Variants in PPM1E observed in about 807,000 individuals in gnomAD.
The protein encoded by PPM1E is protein phosphatase 1E.
PPM1E carries 20 observed loss-of-function variants against 65.9 expected under a neutral mutation model. That is an observed-to-expected ratio of 0.30 (90% CI 0.21 to 0.44). The LOEUF (loss-of-function observed/expected upper bound fraction) is 0.44. Among genes scored for constraint, PPM1E ranks in the 20% least tolerant of loss-of-function variants. PPM1E has a pLI of 1.00. For synonymous variants in PPM1E, 352 were observed against 374.9 expected (o/e 0.94, Z 0.70); for missense variants, 713 against 953.1 (o/e 0.75, Z 3.32).
chr17:58,977,716 G>A (rs946460157), intron 6 of PPM1E, among the ~76,000 whole-genome samples: 4 of 152,132 alleles, frequency 2.6e-5, no homozygotes, highest in African/African-American at 9.7e-5. Context: ...TAGCCTATTT[G>A]AGGATTAAAC....
intron 1 of PPM1E, among the ~76,000 whole-genome samples, chr17:58,759,676 C>T (rs1426221714): frequency 2.6e-5 from 4 of 152,170 alleles, no homozygotes; most frequent in African/African-American, 7.2e-5. Context: ...TTCATTTAGT[C>T]TGGGTTGGAC....
chr17:58,936,361 A>C (rs1245929626), intron 1 of PPM1E, among the ~76,000 whole-genome samples: 1 of 152,294 alleles, frequency 6.6e-6, no homozygotes, highest in Middle Eastern at 3.4e-3. Flanking sequence ...AACTGCTGTC[A>C]TCCTAGCAAG....
intron 1 of PPM1E, among the ~76,000 whole-genome samples, chr17:58,951,687 A>G (rs200999020): frequency 2.2e-4 from 34 of 151,780 alleles, no homozygotes; most frequent in Middle Eastern, 3.4e-3. Context: ...AAAAAAAAAA[A>G]AAAGAAAGAA....
chr17:58,787,409 C>T (rs185849345), intron 1 of PPM1E, among the ~76,000 whole-genome samples: 5 of 151,540 alleles, frequency 3.3e-5, no homozygotes, highest in Non-Finnish European at 1.5e-5. Flanking sequence ...TTTTTTTAAC[C>T]CACAGCTAAT....
intron 2 of PPM1E, among the ~76,000 whole-genome samples, chr17:58,960,241 C>G (rs2143657505): frequency 6.6e-6 from 1 of 152,290 alleles, no homozygotes; most frequent in African/African-American, 2.4e-5. Flanking sequence ...GTCTTCATCT[C>G]TCCAAACTCA....
At chr17:58,889,033 T>A (rs1293007016) in intron 1 of PPM1E, among the ~76,000 whole-genome samples, 1 of 152,224 alleles carries the variant, frequency 6.6e-6, no homozygotes, top group Non-Finnish European at 1.5e-5. Flanking sequence ...AAAATTTGAA[T>A]TACATTCTTC....
At chr17:58,799,048 A>G (rs924798207) in intron 1 of PPM1E, among the ~76,000 whole-genome samples, 1 of 152,088 alleles carries the variant, frequency 6.6e-6, no homozygotes, top group Non-Finnish European at 1.5e-5. Context: ...TTGCAAATTA[A>G]TTTTTGTATA....
rs1038391366 is a variant in PPM1E at position 58,762,115 on chromosome 17, T to A, written c.464+5654T>A. ...TAGGCCATTACAAACTATTACAGTT[T>A]ATCTGTGCCTGAGTAAATAGATTTA... On this transcript the variant is annotated intron_variant, in intron 1 of 6. Transcript: ENST00000308249. 5.9e-5 allele frequency among the ~76,000 whole-genome samples: 9 copies of A among 152,226 alleles called. 1 individual carries two copies. The highest frequency in any genetic ancestry group is 5.2e-4 in the Admixed American group (8 of 15,284).
At chr17:58,880,102 T>G (rs2051177730) in intron 1 of PPM1E, among the ~76,000 whole-genome samples, 1 of 152,138 alleles carries the variant, frequency 6.6e-6, no homozygotes, top group Non-Finnish European at 1.5e-5. Context: ...GCAGCTAAAT[T>G]GTGTGGGGAG....
chr17:58,845,755 A>C (rs903105752), intron 1 of PPM1E, among the ~76,000 whole-genome samples: 1 of 152,136 alleles, frequency 6.6e-6, no homozygotes, highest in Non-Finnish European at 1.5e-5. Context: ...ATCTTGGCTC[A>C]CTGCAACCTC....
chr17:58,879,090 G>A (rs915111439), intron 1 of PPM1E, among the ~76,000 whole-genome samples: 62 of 151,846 alleles, frequency 4.1e-4, no homozygotes, highest in African/African-American at 1.4e-3. Context: ...CAGTTAGGAG[G>A]CATTTTAGTC....
intron 2 of PPM1E, among the ~76,000 whole-genome samples, chr17:58,956,384 C>G (rs558749224): frequency 3.3e-5 from 5 of 150,716 alleles, no homozygotes; most frequent in Non-Finnish European, 7.4e-5. Context: ...TACAGTGAGC[C>G]GAGATCACGC....
chr17:58,969,431 A>G (rs1377931635), intron 3 of PPM1E, 108 bp from the exon 4 acceptor site: 1 of 1,043,514 alleles, frequency 9.6e-7, no homozygotes, highest in Non-Finnish European at 1.5e-6. Flanking sequence ...ATTCTGAATG[A>G]CAAATGCAGT....
At chr17:58,830,756 G>A (rs2050596708) in intron 1 of PPM1E, among the ~76,000 whole-genome samples, 1 of 151,584 alleles carries the variant, frequency 6.6e-6, no homozygotes, top group South Asian at 2.1e-4. Context: ...CATGATCTTG[G>A]CTCACTGCAA....
chr17:58,812,219 G>A (rs1056737796), intron 1 of PPM1E, among the ~76,000 whole-genome samples: 1 of 145,240 alleles, frequency 6.9e-6, no homozygotes, highest in African/African-American at 2.6e-5. Flanking sequence ...CAGGAGAAAG[G>A]CATGAACCTG....
At chr17:58,885,680 T>G (rs948902317) in intron 1 of PPM1E, among the ~76,000 whole-genome samples, 19 of 152,038 alleles carry the variant, frequency 1.2e-4, no homozygotes, top group African/African-American at 4.1e-4. Context: ...AGTGGGAGAG[T>G]GGGTAGGGGA....
chr17:58,758,985 G>A (rs1023741234), intron 1 of PPM1E, among the ~76,000 whole-genome samples: 1 of 152,056 alleles, frequency 6.6e-6, no homozygotes, highest in African/African-American at 2.4e-5. Context: ...CACAAGAATC[G>A]CTTGAACCCA....
chr17:58,905,229 C>T (rs1421382085), intron 1 of PPM1E, among the ~76,000 whole-genome samples: 1 of 152,162 alleles, frequency 6.6e-6, no homozygotes, highest in Non-Finnish European at 1.5e-5. Context: ...TTAACTAGGA[C>T]TTCAAGTACA....
At chr17:58,963,484 C>T (rs1035766838) in intron 2 of PPM1E, among the ~76,000 whole-genome samples, 2 of 151,354 alleles carry the variant, frequency 1.3e-5, no homozygotes, top group East Asian at 1.9e-4. Context: ...GTCAGGAGTT[C>T]GAGGCCAGCC....
Sources: allele counts gnomAD v4.1 joint callset (sites outside exome capture counted in the v4.1 genomes callset), GRCh38; gene constraint gnomAD v4.1.1; transcripts MANE v1.5; gene names NCBI Gene and HGNC (gene_info 2026-07-23, HGNC 2026-07-21).